Variants in CSRNP2 observed in about 807,000 individuals in gnomAD.
CSRNP2 encodes the protein cysteine/serine-rich nuclear protein 2.
A neutral mutation model predicts 36.6 loss-of-function variants in CSRNP2; 11 were observed. The ratio of observed to expected loss-of-function variants is 0.30; its 90% CI spans 0.19 to 0.50. The LOEUF (loss-of-function observed/expected upper bound fraction) is 0.50. Ranked by LOEUF, CSRNP2 falls within the 20% of genes least tolerant of loss-of-function variation. The pLI is 0.98. For synonymous variants in CSRNP2, 248 were observed against 275.3 expected (o/e 0.90, Z 0.98); for missense variants, 483 against 691.4 (o/e 0.70, Z 3.38).
intron 3 of CSRNP2, 113 bp downstream of exon 3, chr12:51,073,710 A>G (rs1939280329): frequency 1.7e-6 from 2 of 1,189,150 alleles, no homozygotes; most frequent in Non-Finnish European, 1.2e-6. Context: ...CGGGCGACAG[A>G]GCAAGACTCT....
At chr12:51,069,089 C>T (rs1337803909) in intron 3 of CSRNP2, among the ~76,000 whole-genome samples, 2 of 152,148 alleles carry the variant, frequency 1.3e-5, no homozygotes, top group African/African-American at 4.8e-5. Context: ...CATTCTCCTG[C>T]CTCAGTCTCC....
chr12:51,064,304 C>A lies in CSRNP2; in HGVS notation c.1074G>T (p.Val358=), dbSNP rs1388196580. ...SLDSSIESLG[V]CILEEPLAVP... ...CAGCCAGAGGCTCCTCTAGGATGCA[C>A]ACACCCAGGCTCTCGATGCTCGAGT... is the stretch of plus-strand genomic sequence containing the variant. Residue 358 remains valine, a synonymous_variant, in exon 5 of 5, where the codon GTG becomes GTT. Coordinates refer to ENST00000228515, the MANE Select transcript of CSRNP2 (RefSeq NM_030809.3). The A allele has an allele frequency of 1.2e-6, 2 of 1,613,838 alleles. No individual in the cohort carries two copies. The highest frequency in any genetic ancestry group is 1.7e-6 in the Non-Finnish European group (2 of 1,179,882).
At chr12:51,080,072 CAAAAAAAAAAAAAA>C (rs1173559322) in intron 1 of CSRNP2, among the ~76,000 whole-genome samples, 1 of 54,988 alleles carries the variant, frequency 1.8e-5, no homozygotes, top group Non-Finnish European at 3.2e-5. Flanking sequence ...GACTCTGTCT[CAAAAAAAAAAAAAA>C]AAAAAAAAAA....
rs1397338612 is a variant in CSRNP2 at position 51,061,586 on chromosome 12, T to TA, written c.*2159dup. Reference sequence around the variant, plus strand: ...ATGCTAAATGTTAATATTTAGCACTTAAAAGTTTGGGATCAGTGTGAGTCA... The same window carrying TA: ...ATGCTAAATGTTAATATTTAGCACTTAAAAAGTTTGGGATCAGTGTGAGTCA... On this transcript the variant is annotated 3_prime_UTR_variant, in exon 5 of 5. Coordinates refer to ENST00000228515, the MANE Select transcript of CSRNP2 (RefSeq NM_030809.3). 6.6e-5 allele frequency: 10 copies of TA among 152,448 alleles called. No individual in the cohort carries two copies. The highest frequency in any genetic ancestry group is 2.1e-4 in the South Asian group (1 of 4,832). 9.4% of individuals were successfully genotyped at this position (152,448 alleles called of 1,614,324 possible). A position where few individuals can be genotyped will look rare whatever the true frequency, so the allele number is the denominator to read the frequency against.
In CSRNP2 at chr12:51,072,387, G is replaced by A. The variant is rs1409976979; in HGVS notation, c.411+1436C>T. 8.7e-5 allele frequency among the ~76,000 whole-genome samples: 13 copies of A among 149,628 alleles called. No homozygotes were observed. The East Asian group carries it at 1.3e-3, about 15-fold the overall frequency. On this transcript the variant is annotated intron_variant, in intron 3 of 4. Transcript: ENST00000228515. ...ATCCTGGCTAACATGGTGAAACCCC[G>A]TCTCTATTAAAAATACAAAAAAAAA...
intron 4 of CSRNP2, among the ~76,000 whole-genome samples, chr12:51,066,447 C>T (rs1239234042): frequency 7.0e-6 from 1 of 142,826 alleles, no homozygotes; most frequent in Non-Finnish European, 1.6e-5. Flanking sequence ...GAGCAAGACT[C>T]CGTCTCAAAA....
At chr12:51,075,337 C>T (rs1045575568) in intron 2 of CSRNP2, among the ~76,000 whole-genome samples, 1 of 152,064 alleles carries the variant, frequency 6.6e-6, no homozygotes, top group Non-Finnish European at 1.5e-5. Flanking sequence ...GTCTTGAACT[C>T]CTGAGTTCAA....
At chr12:51,072,809 C>A (rs1353965967) in intron 3 of CSRNP2, among the ~76,000 whole-genome samples, 2 of 152,194 alleles carry the variant, frequency 1.3e-5, no homozygotes, top group Admixed American at 1.3e-4. Flanking sequence ...AAAACCTGTT[C>A]TGTGCATCCG....
At position 51,063,632 on chromosome 12, in the gene CSRNP2, C is replaced by T. The variant is rs1444167671; in HGVS notation, c.*114G>A. ...CTTTCCCACCCATTCCCCAAAGACCCCAATAAAATAACATGGGAGCAGCAG... is the reference window on the plus strand; with the variant it reads ...CTTTCCCACCCATTCCCCAAAGACCTCAATAAAATAACATGGGAGCAGCAG... On this transcript the variant is annotated 3_prime_UTR_variant, in exon 5 of 5. Coordinates refer to ENST00000228515, the MANE Select transcript of CSRNP2 (RefSeq NM_030809.3). 1 of 830,260 alleles carries T rather than the reference C, an allele frequency of 1.2e-6. No individual in the cohort carries two copies. Among genetic ancestry groups the T allele is most frequent in the Non-Finnish European group, 1.8e-6 (1 of 554,506 alleles). 51.4% of individuals were successfully genotyped at this position (830,260 alleles called of 1,614,324 possible).
intron 1 of CSRNP2, among the ~76,000 whole-genome samples, chr12:51,077,178 C>G (rs112471035): frequency 6.6e-6 from 1 of 152,116 alleles, no homozygotes; most frequent in African/African-American, 2.4e-5. Context: ...CACCTGGGCT[C>G]GAGCAATCCT....
rs1937787545 is a variant in CSRNP2 at position 51,063,583 on chromosome 12, CT to C, written c.*162del. The C allele has an allele frequency of 1.7e-6, 1 of 588,570 alleles. No individual in the cohort carries two copies. The highest frequency in any genetic ancestry group is 2.8e-6 in the Non-Finnish European group (1 of 353,914). The allele number at this position is 588,570 out of a possible 1,614,324, so 36.5% of individuals were successfully genotyped here. On this transcript the variant is annotated 3_prime_UTR_variant, in exon 5 of 5. Coordinates refer to ENST00000228515, the MANE Select transcript of CSRNP2 (RefSeq NM_030809.3). ...GGCTGGTCTCCTTGGTACTGTTTCC[CT>C]TTTAAAAAATACTCAAACAATCCTT...
chr12:51,069,865 T>C (rs773873930), intron 3 of CSRNP2, among the ~76,000 whole-genome samples: 9 of 151,498 alleles, frequency 5.9e-5, no homozygotes, highest in Non-Finnish European at 1.2e-4. Flanking sequence ...GCTAATTTTT[T>C]GTATTTTTGT....
rs1368007163 is a variant in CSRNP2 at position 51,064,258 on chromosome 12, C to G, written c.1120G>C (p.Gly374Arg). The G allele has an allele frequency of 2.5e-6, 4 of 1,612,890 alleles. No individual in the cohort carries two copies. The South Asian group carries it at 4.4e-5, about 18-fold the overall frequency. ...PLAVPEELCPGLTAPILIQAQ... is the reference protein window; with the variant it reads ...PLAVPEELCPRLTAPILIQAQ... Reference sequence around the variant, plus strand: ...TGGATGAGAATGGGGGCTGTAAGGCCTGGGCACAGCTCTTCGGGGACAGCC... The same window carrying G: ...TGGATGAGAATGGGGGCTGTAAGGCGTGGGCACAGCTCTTCGGGGACAGCC... Residue 374 changes from glycine (G) to arginine (R), a missense_variant, in exon 5 of 5, where the codon GGC becomes CGC. This residue lies in a region of CSRNP2 where 277 missense variants were observed against 323.6 expected (regional missense o/e 0.86). Transcript: ENST00000228515.
Position 51,063,932 on chromosome 12 carries a change from T to C in CSRNP2, c.1446A>G (p.Glu482=). 6.2e-7 allele frequency: 1 copy of C among 1,613,632 alleles called. No individual in the cohort carries two copies. The highest frequency in any genetic ancestry group is 1.1e-5 in the South Asian group (1 of 91,064). Residue 482 remains glutamate, a synonymous_variant, in exon 5 of 5, where the codon GAA becomes GAG. Coordinates refer to ENST00000228515, the MANE Select transcript of CSRNP2 (RefSeq NM_030809.3). ...KSEVGKTPTL[E]ALLPEDCNPE... is the part of the protein sequence containing the mutation. The stretch of plus-strand genomic sequence containing the variant: ...GGTTACAATCTTCGGGCAATAGAGC[T>C]TCTAGGGTGGGTGTTTTCCCCACCT...
At chr12:51,074,180 C>A in intron 2 of CSRNP2, 98 bp from the exon 3 acceptor site, 1 of 1,363,536 alleles carries the variant, frequency 7.3e-7, no homozygotes, top group Non-Finnish European at 9.8e-7. Flanking sequence ...TGCTGTGGCA[C>A]TGTCTCGGCT....
chr12:51,067,631 A>C lies in CSRNP2; in HGVS notation c.708+42T>G. 1 of 1,584,028 alleles carries C rather than the reference A, an allele frequency of 6.3e-7. No individual in the cohort carries two copies. ...GTGGCACCCACACCTCACCCCGCTG[A>C]CCCTGGTGTAGATATACTATCTCAG... On this transcript the variant is annotated intron_variant, in intron 4 of 4. Coordinates refer to ENST00000228515, the MANE Select transcript of CSRNP2 (RefSeq NM_030809.3). The surrounding 1 kb of genome is among the most constrained non-coding windows in gnomAD (Gnocchi z 4.1).
Position 51,064,193 on chromosome 12 carries a change from G to GGT in CSRNP2, c.1183_1184dup (p.Glu396ProfsTer12), listed in dbSNP as rs1566172037. ...AGGCAGTTGGGTGGTCTGAGTTCTCGGTAAAACACAGGACAGAGGAGCCTG... is the reference window on the plus strand; with the variant it reads ...AGGCAGTTGGGTGGTCTGAGTTCTCGGTGTAAAACACAGGACAGAGGAGCCTG... On this transcript the variant is annotated frameshift_variant, in exon 5 of 5. Transcript: ENST00000228515. LOFTEE classifies it high-confidence loss of function. 6.2e-7 allele frequency: 1 copy of GGT among 1,614,170 alleles called. No homozygotes were observed. Among genetic ancestry groups the GGT allele is most frequent in the Admixed American group, 1.7e-5 (1 of 60,024 alleles).
chr12:51,076,351 G>T, intron 2 of CSRNP2, 60 bp downstream of exon 2: 2 of 1,580,340 alleles, frequency 1.3e-6, no homozygotes, highest in Non-Finnish European at 1.7e-6. Context: ...GTCTCGAGCT[G>T]CCATGGGTTC....
At chr12:51,073,588 C>T (rs1045191433) in intron 3 of CSRNP2, among the ~76,000 whole-genome samples, 7 of 151,318 alleles carry the variant, frequency 4.6e-5, no homozygotes, top group African/African-American at 1.2e-4. Flanking sequence ...AAAAACAAGA[C>T]GGATGCACAC....
Sources: allele counts gnomAD v4.1 joint callset (sites outside exome capture counted in the v4.1 genomes callset), GRCh38; gene constraint gnomAD v4.1.1; regional missense constraint gnomAD v4.1.1; non-coding constraint Gnocchi (gnomAD v3.1); transcripts MANE v1.5; gene names NCBI Gene and HGNC (gene_info 2026-07-23, HGNC 2026-07-21).